Variants in GALNT17 observed in about 807,000 individuals in gnomAD.
The protein encoded by GALNT17 is UDP-GalNAc:polypeptide N-acetylgalactosaminyltransferase-like 3.
GALNT17 carries 29 observed loss-of-function variants against 63.7 expected under a neutral mutation model. That is an observed-to-expected ratio of 0.46 (90% confidence interval 0.34 to 0.62). The LOEUF is 0.62. Ranked by LOEUF, GALNT17 falls within the 20% of genes least tolerant of loss-of-function variation. The pLI, the probability that GALNT17 is intolerant of heterozygous loss-of-function variation, is 0.01. For synonymous variants in GALNT17, 305 were observed against 318.3 expected (o/e 0.96, Z 0.45); for missense variants, 603 against 799.6 (o/e 0.75, Z 2.97).
chr7:71,265,108 A>ATATATATATATATATATATAAT (rs1790465554), intron 1 of GALNT17, among the ~76,000 whole-genome samples: 1 of 49,506 alleles, frequency 2.0e-5, no homozygotes, highest in Non-Finnish European at 5.0e-5. Flanking sequence ...TTATATATAT[A>ATATATATATATATATATATAAT]TATATATATA....
chr7:71,139,143 A>G (rs545269504), intron 1 of GALNT17, among the ~76,000 whole-genome samples: 19 of 152,144 alleles, frequency 1.2e-4, no homozygotes, highest in Non-Finnish European at 2.4e-4. Context: ...CAGAGATACT[A>G]TGTGACTTTT....
intron 1 of GALNT17, among the ~76,000 whole-genome samples, chr7:71,258,281 C>T (rs1343339638): frequency 6.6e-6 from 1 of 152,226 alleles, no homozygotes; most frequent in East Asian, 1.9e-4. Flanking sequence ...AGATCTGAAG[C>T]TGTTCACTGC....
intron 1 of GALNT17, among the ~76,000 whole-genome samples, chr7:71,295,883 C>T (rs1238883371): frequency 2.0e-5 from 3 of 151,712 alleles, no homozygotes; most frequent in African/African-American, 2.4e-5. Context: ...GTGCAAGCCA[C>T]TGTGCCAAGC....
At chr7:71,510,031 A>T (rs1464768969) in intron 5 of GALNT17, among the ~76,000 whole-genome samples, 1 of 151,976 alleles carries the variant, frequency 6.6e-6, no homozygotes, top group Non-Finnish European at 1.5e-5. Context: ...TGCAGCCTTG[A>T]ACTCCTGGGC....
chr7:71,557,541 C>A (rs1789184784), intron 5 of GALNT17, among the ~76,000 whole-genome samples: 1 of 152,130 alleles, frequency 6.6e-6, no homozygotes. Flanking sequence ...TGCCTGTGAT[C>A]TAGCAATTTG....
intron 9 of GALNT17, among the ~76,000 whole-genome samples, chr7:71,683,139 C>T (rs1791295789): frequency 6.6e-6 from 1 of 152,168 alleles, no homozygotes; most frequent in Admixed American, 6.6e-5. Flanking sequence ...CTCATGGCTC[C>T]CCCGGCTCTG....
At chr7:71,609,166 T>G (rs1790089340) in intron 6 of GALNT17, among the ~76,000 whole-genome samples, 1 of 152,200 alleles carries the variant, frequency 6.6e-6, no homozygotes, top group Non-Finnish European at 1.5e-5. Flanking sequence ...ACAGCCTTGA[T>G]GTCTATACCA....
intron 2 of GALNT17, among the ~76,000 whole-genome samples, chr7:71,370,053 A>T (rs1397911868): frequency 1.3e-5 from 2 of 152,212 alleles, no homozygotes; most frequent in Non-Finnish European, 2.9e-5. Context: ...TTAGTGAATG[A>T]GACCCAATGC....
At chr7:71,557,192 T>G (rs1789179733) in intron 5 of GALNT17, among the ~76,000 whole-genome samples, 1 of 152,050 alleles carries the variant, frequency 6.6e-6, no homozygotes, top group Non-Finnish European at 1.5e-5. Flanking sequence ...ACATCTGGTA[T>G]TAATTACTTT....
intron 6 of GALNT17, among the ~76,000 whole-genome samples, chr7:71,622,155 G>C (rs2116973288): frequency 6.6e-6 from 1 of 152,292 alleles, no homozygotes; most frequent in Non-Finnish European, 1.5e-5. Flanking sequence ...GGGGAACAGG[G>C]ACCCAGCACA....
intron 6 of GALNT17, among the ~76,000 whole-genome samples, chr7:71,588,888 C>G (rs1242158608): frequency 6.6e-6 from 1 of 151,968 alleles, no homozygotes; most frequent in East Asian, 1.9e-4. Context: ...AAATCCTCCA[C>G]CCTCCCTCCC....
intron 5 of GALNT17, among the ~76,000 whole-genome samples, chr7:71,488,501 G>A (rs1787949864): frequency 6.6e-6 from 1 of 151,404 alleles, no homozygotes; most frequent in Non-Finnish European, 1.5e-5. Flanking sequence ...CATCAGGATT[G>A]TCTGGAGGGC....
intron 6 of GALNT17, among the ~76,000 whole-genome samples, chr7:71,623,855 C>A (rs1443065870): frequency 6.6e-6 from 1 of 152,194 alleles, no homozygotes; most frequent in Non-Finnish European, 1.5e-5. Flanking sequence ...TGCATTTCCA[C>A]CATCTTTGTC....
chr7:71,596,247 C>T (rs982411805), intron 6 of GALNT17, among the ~76,000 whole-genome samples: 11 of 152,124 alleles, frequency 7.2e-5, no homozygotes, highest in African/African-American at 2.2e-4. Context: ...ACCATGTTGG[C>T]CAGGCTGGTC....
intron 6 of GALNT17, among the ~76,000 whole-genome samples, chr7:71,652,259 G>A (rs927442670): frequency 1.3e-5 from 2 of 151,774 alleles, no homozygotes; most frequent in African/African-American, 2.4e-5. Flanking sequence ...TCTTACCACC[G>A]CGGTACTTAA....
intron 6 of GALNT17, among the ~76,000 whole-genome samples, chr7:71,601,793 A>C (rs1197143680): frequency 6.6e-6 from 1 of 152,120 alleles, no homozygotes; most frequent in Non-Finnish European, 1.5e-5. Context: ...TTTGGGAAAA[A>C]AATAAAATAA....
chr7:71,412,229 C>T (rs779348779), intron 3 of GALNT17, among the ~76,000 whole-genome samples: 6 of 152,148 alleles, frequency 3.9e-5, no homozygotes, highest in East Asian at 3.9e-4. Flanking sequence ...TGCTTGAGCC[C>T]GGGAGGTCGA....
chr7:71,238,336 A>T (rs1257403123), intron 1 of GALNT17, among the ~76,000 whole-genome samples: 2 of 152,132 alleles, frequency 1.3e-5, no homozygotes. Context: ...AGCCTTTCAC[A>T]TTTGCATCTA....
At chr7:71,527,692 G>C (rs1270169055) in intron 5 of GALNT17, among the ~76,000 whole-genome samples, 1 of 152,174 alleles carries the variant, frequency 6.6e-6, no homozygotes, top group Non-Finnish European at 1.5e-5. Flanking sequence ...TAAAAAGCAA[G>C]ACAAGAAACT....
Sources: gnomAD v4.1 joint callset for allele counts (sites outside exome capture counted in the v4.1 genomes callset) on GRCh38, gnomAD v4.1.1 for gene constraint, MANE v1.5 for transcripts, NCBI Gene and HGNC (gene_info 2026-07-23, HGNC 2026-07-21) for gene names.